Variants in ADGRD2 observed in about 807,000 individuals in gnomAD.
ADGRD2 encodes adhesion G protein-coupled receptor D2.
Under a neutral mutation model 44.4 loss-of-function variants are expected in ADGRD2, and 71 were observed. The ratio of observed to expected loss-of-function variants is 1.60; its 90% CI spans 1.32 to 1.95. The LOEUF is 1.95. Among genes scored for constraint, ADGRD2 ranks in the 30% most tolerant of loss-of-function variants. The pLI is 0.00. For synonymous variants in ADGRD2, 481 were observed against 224.8 expected, an observed-to-expected ratio of 2.14 and a Z score of -10.19; for missense variants, 1,039 against 512.4, an observed-to-expected ratio of 2.03 and a Z score of -9.92.
In ADGRD2 at chr9:124,470,653, A is replaced by G. The variant is rs545531353; in HGVS notation, c.2758+39A>G. ...CAACCTTCTGGGACTAGGCCCTGAC[A>G]TGCACGAAAGCTCAGAGGGGACGAC... On this transcript the variant is annotated intron_variant, in intron 17 of 21. Coordinates refer to ENST00000334810, the Ensembl canonical transcript of ADGRD2. The G allele has an allele frequency of 5.5e-5, 38 of 687,200 alleles. 1 individual carries two copies. Among genetic ancestry groups the G allele is most frequent in the South Asian group, 5.3e-4 (35 of 66,644 alleles). 42.6% of individuals were successfully genotyped at this position (687,200 alleles called of 1,614,324 possible).
rs145580092 is a variant in ADGRD2 at position 124,459,509 on chromosome 9, T to A, written c.1870+788T>A. 9.4e-4 allele frequency among the ~76,000 whole-genome samples: 141 copies of A among 150,150 alleles called. 1 individual carries two copies. Among genetic ancestry groups the A allele is most frequent in the African/African-American group, 3.4e-3 (137 of 40,868 alleles). On this transcript the variant is annotated intron_variant, in intron 10 of 21. Coordinates refer to ENST00000334810, the Ensembl canonical transcript of ADGRD2. ...ACTCTGTCTCAAAAAAAAAAAAAAG[T>A]TTTGTAGATATATATGGTCAGCCCT...
At chr9:124,471,028 A>C (rs955863288) in intron 17 of ADGRD2, among the ~76,000 whole-genome samples, 2 of 152,218 alleles carry the variant, frequency 1.3e-5, no homozygotes, top group East Asian at 3.9e-4. Context: ...ATAGCAGTTT[A>C]GAAGAGGGTT....
At chr9:124,476,566 GA>G (rs1241242975) in intron 20 of ADGRD2, 112 bp from the exon 24 acceptor site, 9 of 641,664 alleles carry the variant, frequency 1.4e-5, no homozygotes, top group Non-Finnish European at 2.5e-5. Flanking sequence ...AGGGCCCAGG[GA>G]GGGGGAGCTG....
exon 9 of ADGRD2, chr9:124,458,133 A>C (rs369753254): frequency 4.2e-6 from 3 of 718,292 alleles, no homozygotes; most frequent in Non-Finnish European, 7.8e-6. Flanking sequence ...AGTCACCGTG[A>C]TCCACAGCTG....
At position 124,453,186 on chromosome 9, in the gene ADGRD2, C is replaced by T. The variant is rs531176074; in HGVS notation, c.435C>T (p.Ser145=). 209 of 686,680 alleles carry T rather than the reference C, an allele frequency of 3.0e-4. No individual in the cohort carries two copies. The African/African-American group carries it at 3.4e-3, about 11-fold the overall frequency. 42.5% of individuals were successfully genotyped at this position (686,680 alleles called of 1,614,324 possible). A position where few individuals can be genotyped will look rare whatever the true frequency, so the allele number is the denominator to read the frequency against. The change falls in exon 3 of 22, where the codon TCC becomes TCT. Residue 145 remains serine, a synonymous_variant. Transcript: ENST00000334810. ...CGCCCGACCCCGCAGCGCTCTTCTC[C>T]GTTGCCGCGCCCGCGCTGCCCAACG...
At chr9:124,453,883 G>A (rs1387759246) in intron 3 of ADGRD2, 116 bp from the exon 7 acceptor site, 9 of 363,118 alleles carry the variant, frequency 2.5e-5, no homozygotes, top group African/African-American at 6.7e-5. Context: ...CCCCCACCCC[G>A]AGCTGGCAAC....
At position 124,452,377 on chromosome 9, in the gene ADGRD2, G is replaced by C. The variant is rs1006095479; in HGVS notation, c.69-133G>C. ...TCTGCAAGAGGACAGGACTCAGCAG[G>C]CCATAGACATGGGCGGGTTCAGCCC... On this transcript the variant is annotated intron_variant, in intron 1 of 21. Coordinates refer to ENST00000334810, the Ensembl canonical transcript of ADGRD2. 14 of 675,056 alleles carry C rather than the reference G, an allele frequency of 2.1e-5. No homozygotes were observed. The Admixed American group carries it at 2.9e-4, about 14-fold the overall frequency. 41.8% of individuals were successfully genotyped at this position (675,056 alleles called of 1,614,324 possible). A position where few individuals can be genotyped will look rare whatever the true frequency, so the allele number is the denominator to read the frequency against.
chr9:124,460,090 ACACAC>A (rs1253095537), intron 10 of ADGRD2, among the ~76,000 whole-genome samples: 1 of 19,360 alleles, frequency 5.2e-5, no homozygotes, highest in African/African-American at 4.5e-4. Flanking sequence ...TCTTGGACAC[ACACAC>A]ACACACACAC....
At chr9:124,473,232 A>T (rs961176779) in intron 17 of ADGRD2, among the ~76,000 whole-genome samples, 4 of 152,170 alleles carry the variant, frequency 2.6e-5, no homozygotes, top group African/African-American at 4.8e-5. Context: ...GAGGCCTGGG[A>T]CTCAGGGATG....
At chr9:124,451,957 A>G, upstream of ADGRD2, 1 of 651,144 alleles carries the variant, frequency 1.5e-6, no homozygotes, top group Non-Finnish European at 2.8e-6. Context: ...GTGGGATTTG[A>G]ATCCAGGTCT....
rs554076965 is a variant in ADGRD2 at position 124,468,011 on chromosome 9, T to G, written c.2131-77T>G. On this transcript the variant is annotated intron_variant, in intron 12 of 21. Transcript: ENST00000334810. ...CCTCCATCTGCCCAGGCACAGGGGATCGGGCAGGACAGGGCCCTACGGGGT... is the reference window on the plus strand; with the variant it reads ...CCTCCATCTGCCCAGGCACAGGGGAGCGGGCAGGACAGGGCCCTACGGGGT... 9.1e-5 allele frequency: 65 copies of G among 715,658 alleles called. No homozygotes were observed. In the South Asian group the frequency reaches 9.3e-4, roughly 10 times the overall value. The allele number at this position is 715,658 out of a possible 1,614,324, so 44.3% of individuals were successfully genotyped here.
At chr9:124,452,149 C>T (rs772137124) in exon 1 of ADGRD2, 4 of 716,972 alleles carry the variant, frequency 5.6e-6, no homozygotes, top group East Asian at 5.4e-5. Flanking sequence ...AACCCTTGGG[C>T]CCCAGGTTGG....
intron 10 of ADGRD2, among the ~76,000 whole-genome samples, chr9:124,460,293 C>G (rs1484508604): frequency 1.3e-5 from 2 of 151,416 alleles, no homozygotes; most frequent in African/African-American, 4.9e-5. Flanking sequence ...ACCTCCGCCC[C>G]CCGGGTCCAA....
rs1359457628 is a variant in ADGRD2, at chr9:124,475,554, T to G, written c.2801-17T>G. The G allele has an allele frequency of 2.8e-6, 2 of 711,780 alleles. No individual in the cohort carries two copies. The highest frequency in any genetic ancestry group is 5.2e-6 in the Non-Finnish European group (2 of 381,716). The allele number at this position is 711,780 out of a possible 1,614,324, so 44.1% of individuals were successfully genotyped here. ...GGTAGGGAGGGTCCCCAGCCTGACC[T>G]CCAAGTATTCCCCCAGGTGCGGAGC... On this transcript the variant is annotated splice_polypyrimidine_tract_variant and intron_variant, in intron 18 of 21. Coordinates refer to ENST00000334810, the Ensembl canonical transcript of ADGRD2.
chr9:124,466,844 A>G, intron 11 of ADGRD2: 1 of 152,336 alleles, frequency 6.6e-6, no homozygotes, highest in East Asian at 1.9e-4. Flanking sequence ...TGTAAAAAAA[A>G]TTGTTGGGGG....
At chr9:124,453,293 T>C in exon 3 of ADGRD2, 1 of 488,018 alleles carries the variant, frequency 2.0e-6, no homozygotes, top group Non-Finnish European at 3.5e-6. Context: ...GCGCCCTTCC[T>C]CGCAGCCTTC....
intron 21 of ADGRD2, among the ~76,000 whole-genome samples, chr9:124,477,535 GA>G (rs1832071607): frequency 6.6e-6 from 1 of 152,364 alleles, no homozygotes; most frequent in South Asian, 2.1e-4. Flanking sequence ...TTGAGGCACA[GA>G]AAGGCGCAGC....
chr9:124,453,075 G>C lies in ADGRD2; in HGVS notation c.324G>C (p.Thr108=), dbSNP rs7861854. 7.8e-3 allele frequency: 5,310 copies of C among 681,678 alleles called. 202 individuals carry two copies. The African/African-American group carries it at 0.084, about 11-fold the overall frequency. 42.2% of individuals were successfully genotyped at this position (681,678 alleles called of 1,614,324 possible). A position where few individuals can be genotyped will look rare whatever the true frequency, so the allele number is the denominator to read the frequency against. ...CCGTGCTGGTGTTCGACGAGAGGACGGCTGACCGGGCGGCGCGGCTGCGGA... is the reference window on the plus strand; with the variant it reads ...CCGTGCTGGTGTTCGACGAGAGGACCGCTGACCGGGCGGCGCGGCTGCGGA... The change falls in exon 3 of 22, where the codon ACG becomes ACC. Residue 108 remains threonine (T), a synonymous_variant. Transcript: ENST00000334810.
intron 10 of ADGRD2, chr9:124,465,128 T>C (rs1364888838): frequency 6.5e-6 from 1 of 153,006 alleles, no homozygotes; most frequent in Admixed American, 6.5e-5. Flanking sequence ...CTGTGACGCA[T>C]GGTGGGCAAT....
Sources: gnomAD v4.1 joint callset for allele counts (sites outside exome capture counted in the v4.1 genomes callset) on GRCh38, gnomAD v4.1.1 for gene constraint, MANE v1.5 for transcripts, NCBI Gene and HGNC (gene_info 2026-07-23, HGNC 2026-07-21) for gene names.